Variants in CACNB4 observed in about 807,000 individuals in gnomAD.
The protein encoded by CACNB4 is voltage-dependent L-type calcium channel subunit beta-4.
CACNB4 carries 32 observed loss-of-function variants against 71.2 expected under a neutral mutation model. The ratio of observed to expected loss-of-function variants is 0.45; its 90% CI spans 0.34 to 0.60. The LOEUF is 0.60. CACNB4 is among the 20% of genes least tolerant of loss of function. The pLI is 0.01. For missense variants in CACNB4, 464 were observed against 647.9 expected (o/e 0.72, Z 3.08); for synonymous variants, 231 against 236.9 (o/e 0.97, Z 0.23).
Position 151,838,867 on chromosome 2 carries a change from T to G in CACNB4, c.*252A>C, listed in dbSNP as rs182330454. 9.2e-4 allele frequency: 308 copies of G among 333,890 alleles called. 1 individual carries two copies. Among genetic ancestry groups the G allele is most frequent in the African/African-American group, 6.1e-3 (291 of 47,700 alleles). The allele number at this position is 333,890 out of a possible 1,614,324, so 20.7% of individuals were successfully genotyped here. ...TTACAAATTGATGTGTCTAAATCTATGAAGAAAACAAAATGTACTGTTATC... is the reference window on the plus strand; with the variant it reads ...TTACAAATTGATGTGTCTAAATCTAGGAAGAAAACAAAATGTACTGTTATC... On this transcript the variant is annotated 3_prime_UTR_variant, in exon 14 of 14. Transcript: ENST00000539935.
chr2:151,848,704 A>G (rs1404474081), intron 12 of CACNB4, among the ~76,000 whole-genome samples: 1 of 152,202 alleles, frequency 6.6e-6, no homozygotes, highest in Non-Finnish European at 1.5e-5. Flanking sequence ...GTCATTTTAC[A>G]CACAAAAAAA....
At chr2:151,870,187 T>A (rs889740676) in intron 8 of CACNB4, 1 of 679,002 alleles carries the variant, frequency 1.5e-6, no homozygotes, top group Non-Finnish European at 2.7e-6. Flanking sequence ...TCTTGTGCTG[T>A]TCATTCTCTA....
chr2:152,064,754 C>T (rs139775005), intron 2 of CACNB4, among the ~76,000 whole-genome samples: 126 of 152,270 alleles, frequency 8.3e-4, no homozygotes, highest in Non-Finnish European at 1.6e-3. Context: ...AGAAAACAGA[C>T]TTTTTCATAA....
At chr2:151,870,057 T>C (rs1462040584) in intron 8 of CACNB4, 4 of 586,834 alleles carry the variant, frequency 6.8e-6, no homozygotes, top group African/African-American at 3.7e-5. Context: ...ACATGTGCCC[T>C]TTAAAATAAA....
chr2:152,018,654 T>C (rs1683480956), intron 2 of CACNB4, among the ~76,000 whole-genome samples: 1 of 151,918 alleles, frequency 6.6e-6, no homozygotes, highest in African/African-American at 2.4e-5. Context: ...AATACAAAAA[T>C]TATCTGAGCG....
intron 2 of CACNB4, among the ~76,000 whole-genome samples, chr2:152,058,526 T>C (rs188786937): frequency 3.7e-4 from 56 of 152,368 alleles, no homozygotes; most frequent in African/African-American, 1.3e-3. Context: ...TAACTCTTGC[T>C]GTGCTTTAGC....
At chr2:151,881,536 T>C (rs1559925064) in intron 3 of CACNB4, among the ~76,000 whole-genome samples, 1 of 152,236 alleles carries the variant, frequency 6.6e-6, no homozygotes, top group Non-Finnish European at 1.5e-5. Context: ...GCTCTCAGGC[T>C]GGCACAGCAC....
rs191873698 is a variant in CACNB4 at position 152,050,629 on chromosome 2, T to A, written c.147+47701A>T. The stretch of plus-strand genomic sequence containing the variant: ...TCTTTGGGAAGCTGAGGTAGGAGGA[T>A]CACTTAACCCCTGAAGCTTGAGGCT... On this transcript the variant is annotated intron_variant, in intron 2 of 13. Transcript: ENST00000539935. Among the ~76,000 whole-genome samples the A allele has an allele frequency of 6.2e-4, 95 of 152,148 alleles. 1 individual carries two copies. Among genetic ancestry groups the A allele is most frequent in the African/African-American group, 2.2e-3 (90 of 41,510 alleles).
chr2:151,850,016 AC>A (rs1290420745), intron 12 of CACNB4, among the ~76,000 whole-genome samples: 11 of 152,162 alleles, frequency 7.2e-5, no homozygotes, highest in Non-Finnish European at 1.0e-4. Context: ...TATATAGCCC[AC>A]AAAGCCTAAG....
At chr2:151,873,967 T>C (rs1466150717) in intron 5 of CACNB4, 1 of 152,050 alleles carries the variant, frequency 6.6e-6, no homozygotes, top group African/African-American at 2.4e-5. Context: ...TGAGTTATAG[T>C]GAGATCTGAT....
At position 151,987,670 on chromosome 2, in the gene CACNB4, ACTGTAAATCGC is replaced by A. The variant is rs59511993; in HGVS notation, c.148-104311_148-104301del. On this transcript the variant is annotated intron_variant, in intron 2 of 13. Transcript: ENST00000539935. The stretch of plus-strand genomic sequence containing the variant: ...CACATCTCAGCATTAGCTGTGTGTC[ACTGTAAATCGC>A]CATGCCAGCACTTTCCCTCCTCTTC... Among the ~76,000 whole-genome samples, 1,424 of 152,332 alleles carry A rather than the reference ACTGTAAATCGC, an allele frequency of 9.3e-3. 22 individuals are homozygous for A. The highest frequency in any genetic ancestry group is 0.032 in the African/African-American group (1,334 of 41,568).
At chr2:151,995,089 A>ATAT (rs533901477) in intron 2 of CACNB4, among the ~76,000 whole-genome samples, 1 of 152,346 alleles carries the variant, frequency 6.6e-6, no homozygotes, top group South Asian at 2.1e-4. Context: ...TCAACAAGAC[A>ATAT]TATTCCAAAT....
chr2:152,040,006 G>C (rs1289545242), intron 2 of CACNB4, among the ~76,000 whole-genome samples: 1 of 152,150 alleles, frequency 6.6e-6, no homozygotes, highest in Non-Finnish European at 1.5e-5. Context: ...TATCCAAAAA[G>C]AATAAGAATT....
chr2:151,993,446 A>G (rs1300446073), intron 2 of CACNB4, among the ~76,000 whole-genome samples: 6 of 152,178 alleles, frequency 3.9e-5, no homozygotes, highest in Non-Finnish European at 7.4e-5. Context: ...CACAGCAGTG[A>G]GAATTCATAG....
intron 2 of CACNB4, among the ~76,000 whole-genome samples, chr2:152,060,696 C>T (rs1429874394): frequency 6.6e-6 from 1 of 152,042 alleles, no homozygotes; most frequent in Non-Finnish European, 1.5e-5. Flanking sequence ...TATTGGAAAA[C>T]CAAATCTCCA....
chr2:151,850,942 C>T (rs1412242791), intron 12 of CACNB4: 1 of 152,144 alleles, frequency 6.6e-6, no homozygotes, highest in Non-Finnish European at 1.5e-5. Flanking sequence ...GTCCCTGGAT[C>T]TAGGATTAAT....
At chr2:152,015,421 A>G (rs1197891855) in intron 2 of CACNB4, among the ~76,000 whole-genome samples, 2 of 152,234 alleles carry the variant, frequency 1.3e-5, no homozygotes, top group East Asian at 3.8e-4. Context: ...GTGAGCCACC[A>G]TGCCCAGCCA....
intron 2 of CACNB4, among the ~76,000 whole-genome samples, chr2:151,945,570 G>T (rs567061244): frequency 2.9e-4 from 44 of 152,160 alleles, no homozygotes; most frequent in Admixed American, 9.8e-4. Context: ...AGGATCACCT[G>T]GTCCCTGGAA....
At chr2:151,872,550 T>C (rs1258737585) in intron 5 of CACNB4, 57 bp from the exon 6 acceptor site, 1 of 940,916 alleles carries the variant, frequency 1.1e-6, no homozygotes, top group Admixed American at 2.0e-5. Context: ...AAAATAGAAC[T>C]TGAGAGTACA....
Sources: allele counts gnomAD v4.1 joint callset (sites outside exome capture counted in the v4.1 genomes callset), GRCh38; gene constraint gnomAD v4.1.1; transcripts MANE v1.5; gene names NCBI Gene and HGNC (gene_info 2026-07-23, HGNC 2026-07-21).